Variants in PFKFB3 observed in about 807,000 individuals in gnomAD.
PFKFB3 encodes the protein 6-phosphofructo-2-kinase/fructose-2,6-biphosphatase 3.
PFKFB3 carries 33 observed loss-of-function variants against 68.0 expected under a neutral mutation model. The ratio of observed to expected loss-of-function variants is 0.49; its 90% CI spans 0.37 to 0.65. PFKFB3 has a LOEUF of 0.65. Ranked by LOEUF, PFKFB3 falls within the 30% of genes least tolerant of loss-of-function variation. The probability of loss-of-function intolerance (pLI) is 0.00; values close to 1 mark genes in which losing one functional copy is unlikely to be tolerated. For missense variants in PFKFB3, 586 were observed against 712.2 expected, an observed-to-expected ratio of 0.82 and a Z score of 2.02; for synonymous variants, 315 against 288.2, an observed-to-expected ratio of 1.09 and a Z score of -0.94.
chr10:6,254,291 C>T lies in PFKFB3; in HGVS notation c.1629C>T (p.Pro543=), dbSNP rs981002356. 9 of 398,392 alleles carry T rather than the reference C, an allele frequency of 2.3e-5. 1 individual carries two copies. The highest frequency in any genetic ancestry group is 1.8e-4 in the East Asian group (5 of 28,086). 24.7% of individuals were successfully genotyped at this position (398,392 alleles called of 1,614,324 possible). Reference sequence around the variant, plus strand: ...TGACCGTGGCATCCAGGAGTGGACCCGGGGCTGCACCAAGCATCCCGGAGC... The same window carrying T: ...TGACCGTGGCATCCAGGAGTGGACCTGGGGCTGCACCAAGCATCCCGGAGC... Residue 543 remains proline, a synonymous_variant, in exon 15 of 15, where the codon CCC becomes CCT. Transcript: ENST00000640683.
the PFKFB3 span, among the ~76,000 whole-genome samples, chr10:6,284,600 A>G: frequency 6.6e-6 from 1 of 152,200 alleles, no homozygotes; most frequent in Non-Finnish European, 1.5e-5. Flanking sequence ...ACACAATGAA[A>G]TTTACCATTT....
the PFKFB3 span, among the ~76,000 whole-genome samples, chr10:6,321,775 C>T: frequency 6.6e-6 from 1 of 152,194 alleles, no homozygotes; most frequent in African/African-American, 2.4e-5. Flanking sequence ...CAATGAATTG[C>T]AAACCTGACT....
At chr10:6,318,254 T>G in the PFKFB3 span, among the ~76,000 whole-genome samples, 1 of 152,142 alleles carries the variant, frequency 6.6e-6, no homozygotes, top group East Asian at 1.9e-4. Context: ...AAGCTGCCCC[T>G]GGGAGCAGAT....
chr10:6,175,692 A>T (rs1188826645), intron 1 of PFKFB3, among the ~76,000 whole-genome samples: 2 of 152,206 alleles, frequency 1.3e-5, no homozygotes, highest in Non-Finnish European at 2.9e-5. Context: ...TAGCCTGGGG[A>T]CCCAGTTCTA....
At chr10:6,213,789 A>G (rs1258666009) in intron 2 of PFKFB3, 41 bp downstream of exon 2, 2 of 1,594,478 alleles carry the variant, frequency 1.3e-6, no homozygotes, top group Non-Finnish European at 1.7e-6. Flanking sequence ...CTCGTGCAAA[A>G]ACTTGACCTT....
chr10:6,157,801 C>G (rs781152363), intron 1 of PFKFB3, among the ~76,000 whole-genome samples: 1 of 152,094 alleles, frequency 6.6e-6, no homozygotes, highest in African/African-American at 2.4e-5. Context: ...ATTTCTTAAC[C>G]TTCTAAAACT....
At chr10:6,180,754 G>A (rs1024473272) in intron 1 of PFKFB3, among the ~76,000 whole-genome samples, 7 of 152,152 alleles carry the variant, frequency 4.6e-5, no homozygotes, top group East Asian at 3.9e-4. Flanking sequence ...GCAAGCCACC[G>A]TGCCCTAGGT....
intron 1 of PFKFB3, among the ~76,000 whole-genome samples, chr10:6,186,058 A>T (rs1842860376): frequency 6.6e-6 from 1 of 152,100 alleles, no homozygotes; most frequent in Non-Finnish European, 1.5e-5. Context: ...GCTGTCAGAG[A>T]TAGAGCAAGG....
At chr10:6,205,388 C>CTTTTTT (rs3084014) in intron 1 of PFKFB3, among the ~76,000 whole-genome samples, 81 of 106,510 alleles carry the variant, frequency 7.6e-4, no homozygotes, top group Non-Finnish European at 9.3e-4. Flanking sequence ...TTCTTTCTTC[C>CTTTTTT]TTTTTTTTTT....
At chr10:6,288,159 G>C in the PFKFB3 span, among the ~76,000 whole-genome samples, 3 of 148,570 alleles carry the variant, frequency 2.0e-5, no homozygotes, top group African/African-American at 7.4e-5. Context: ...TTCCTCTGTA[G>C]GTACGGTGTT....
the PFKFB3 span, chr10:6,277,776 A>T: frequency 2.4e-6 from 1 of 424,974 alleles, no homozygotes; most frequent in Admixed American, 2.5e-5. Context: ...AGCCAATGAA[A>T]CCTCTTTTCT....
intron 14 of PFKFB3, among the ~76,000 whole-genome samples, chr10:6,242,824 G>A (rs1471830370): frequency 1.3e-5 from 2 of 152,218 alleles, no homozygotes; most frequent in Admixed American, 6.5e-5. Context: ...TTGACCTGAG[G>A]TGATCCGCCC....
At chr10:6,151,885 G>A (rs530170824) in intron 1 of PFKFB3, among the ~76,000 whole-genome samples, 1 of 152,080 alleles carries the variant, frequency 6.6e-6, no homozygotes, top group South Asian at 2.1e-4. Context: ...GCTCACAGCC[G>A]TGGTGGGGAC....
At chr10:6,302,028 C>T in the PFKFB3 span, among the ~76,000 whole-genome samples, 2 of 151,416 alleles carry the variant, frequency 1.3e-5, no homozygotes, top group Non-Finnish European at 2.9e-5. Flanking sequence ...ACGAAGGTAA[C>T]ATACTTGCGA....
intron 1 of PFKFB3, among the ~76,000 whole-genome samples, chr10:6,204,564 C>T (rs1322171875): frequency 6.6e-6 from 1 of 152,224 alleles, no homozygotes; most frequent in Admixed American, 6.5e-5. Context: ...GCAGATCCAC[C>T]CTGGTGGACT....
At chr10:6,190,024 A>G (rs1388106656) in intron 1 of PFKFB3, among the ~76,000 whole-genome samples, 2 of 150,068 alleles carry the variant, frequency 1.3e-5, no homozygotes, top group Non-Finnish European at 1.5e-5. Context: ...GCTCACTGCA[A>G]CCTCTGCCTT....
chr10:6,190,224 G>A (rs1341595608), intron 1 of PFKFB3, among the ~76,000 whole-genome samples: 4 of 152,260 alleles, frequency 2.6e-5, no homozygotes, highest in Admixed American at 1.3e-4. Flanking sequence ...GATTACAGGC[G>A]TGAGCCACCA....
At chr10:6,235,799 C>T (rs1283975757), downstream of PFKFB3, among the ~76,000 whole-genome samples, 2 of 143,126 alleles carry the variant, frequency 1.4e-5, no homozygotes, top group Admixed American at 7.3e-5. Flanking sequence ...CTGTTTCTCA[C>T]TCTGTCGCCC....
At chr10:6,194,404 G>A (rs138482033) in intron 1 of PFKFB3, among the ~76,000 whole-genome samples, 80 of 152,310 alleles carry the variant, frequency 5.3e-4, no homozygotes, top group African/African-American at 1.6e-3. Flanking sequence ...CTATGTTTCC[G>A]CTGCGCTAAA....
Sources: allele counts gnomAD v4.1 joint callset (sites outside exome capture counted in the v4.1 genomes callset), GRCh38; gene constraint gnomAD v4.1.1; transcripts MANE v1.5; gene names NCBI Gene and HGNC (gene_info 2026-07-23, HGNC 2026-07-21).